Variants in USP9Y observed in about 807,000 individuals in gnomAD.
USP9Y encodes ubiquitin carboxyl-terminal hydrolase 9Y.
USP9Y carries 41 observed loss-of-function variants against 53.1 expected under a neutral mutation model. The ratio of observed to expected loss-of-function variants is 0.77; its 90% CI spans 0.60 to 1.00. The LOEUF (loss-of-function observed/expected upper bound fraction) is 1.00. USP9Y is among the 50% of genes least tolerant of loss of function. USP9Y has a pLI of 0.00. For missense variants in USP9Y, 567 were observed against 535.8 expected (o/e 1.06, Z -0.58); for synonymous variants, 220 against 173.7 (o/e 1.27, Z -2.09).
chrY:12,843,034 G>T, intron 38 of USP9Y, 30 bp from the exon 39 acceptor site: 1 of 394,417 alleles, frequency 2.5e-6, no homozygotes, highest in Non-Finnish European at 3.6e-6. Flanking sequence ...GCATCTTGAT[G>T]CTGATAAAAT....
intron 34 of USP9Y, among the ~76,000 whole-genome samples, chrY:12,836,586 A>G (rs2053555465): frequency 2.9e-5 from 1 of 33,970 alleles, no homozygotes; most frequent in Non-Finnish European, 7.3e-5. Context: ...AAAATAAGCA[A>G]CTGATAAAAG....
chrY:12,801,252 T>C (rs2053519074), intron 27 of USP9Y, among the ~76,000 whole-genome samples: 4 of 33,708 alleles, frequency 1.2e-4, no homozygotes, highest in African/African-American at 4.6e-4. Context: ...CCTAAACGAT[T>C]CCATGATTCA....
Position 12,845,288 on chromosome Y carries a change from G to A in USP9Y, c.6569-1045G>A, listed in dbSNP as rs2148292489. ...AGGGAAACTGGCAGTATGGAAGACA[G>A]GTATGAACAGATGCAGGAGCTCTTT... On this transcript the variant is annotated intron_variant, in intron 39 of 45. Transcript: ENST00000338981. Among the ~76,000 whole-genome samples the A allele has an allele frequency of 2.1e-4, 7 of 33,471 alleles. No individual in the cohort carries two copies. The East Asian group carries it at 5.5e-3, about 26-fold the overall frequency. 89.8% of individuals were successfully genotyped at this position (33,471 alleles called of 37,273 possible). A position where few individuals can be genotyped will look rare whatever the true frequency, so the allele number is the denominator to read the frequency against.
intron 12 of USP9Y, among the ~76,000 whole-genome samples, chrY:12,740,759 C>G: frequency 3.1e-5 from 1 of 32,717 alleles, no homozygotes. Context: ...CTCTTTATTT[C>G]CTATTGTTTT....
In USP9Y at chrY:12,842,231, C is replaced by T; in HGVS notation, c.6213-9C>T. 2.5e-6 allele frequency: 1 copy of T among 395,501 alleles called. No homozygotes were observed. The highest frequency in any genetic ancestry group is 3.6e-6 in the Non-Finnish European group (1 of 280,681). ...TAAAATTTGACGTTCATAGATGTTTCTGTTTTAGGTATGATGCACTGTGCG... is the reference window on the plus strand; with the variant it reads ...TAAAATTTGACGTTCATAGATGTTTTTGTTTTAGGTATGATGCACTGTGCG... On this transcript the variant is annotated splice_polypyrimidine_tract_variant and intron_variant, in intron 37 of 45. Coordinates refer to ENST00000338981, the MANE Select transcript of USP9Y (RefSeq NM_004654.4).
At chrY:12,786,842 C>T in intron 24 of USP9Y, 42 bp downstream of exon 24, 2 of 315,402 alleles carry the variant, frequency 6.3e-6, no homozygotes, top group Admixed American at 1.8e-4. Flanking sequence ...TTAGTCCTTA[C>T]TATTTAATAA....
intron 12 of USP9Y, among the ~76,000 whole-genome samples, chrY:12,753,074 C>G: frequency 3.0e-5 from 1 of 33,298 alleles, no homozygotes; most frequent in Non-Finnish European, 7.4e-5. Flanking sequence ...CTTCCCGGGC[C>G]CAAGCTATCC....
At chrY:12,761,062 A>G (rs2053475006) in intron 15 of USP9Y, among the ~76,000 whole-genome samples, 1 of 34,280 alleles carries the variant, frequency 2.9e-5, no homozygotes, top group Non-Finnish European at 7.3e-5. Context: ...CTCCGGCCCA[A>G]GTGATCCTCC....
intron 27 of USP9Y, 81 bp from the exon 28 acceptor site, chrY:12,810,098 G>T: frequency 3.4e-6 from 1 of 290,100 alleles, no homozygotes; most frequent in Admixed American, 7.8e-5. Context: ...TACTATTGAT[G>T]TATATACCTC....
At chrY:12,784,667 T>A in intron 22 of USP9Y, among the ~76,000 whole-genome samples, 1 of 33,329 alleles carries the variant, frequency 3.0e-5, no homozygotes, top group Non-Finnish European at 7.5e-5. Context: ...TTTAAAGTCA[T>A]CATGAATAAT....
At chrY:12,770,990 T>C (rs2053485240) in intron 15 of USP9Y, 78 bp from the exon 16 acceptor site, 3 of 216,677 alleles carry the variant, frequency 1.4e-5, no homozygotes, top group Non-Finnish European at 2.4e-5. Context: ...GATTATTAAC[T>C]TAATAATTTC....
chrY:12,719,814 T>C, intron 3 of USP9Y, among the ~76,000 whole-genome samples: 1 of 26,174 alleles, frequency 3.8e-5, no homozygotes, highest in East Asian at 1.0e-3. Flanking sequence ...TGAGACATAG[T>C]CTCACTCTTT....
At chrY:12,833,895 G>A (rs368683140) in intron 34 of USP9Y, 34 bp downstream of exon 34, 3 of 372,040 alleles carry the variant, frequency 8.1e-6, no homozygotes, top group Non-Finnish European at 7.6e-6. Context: ...TGTATACTTC[G>A]TGTTGTTTTT....
intron 11 of USP9Y, 96 bp downstream of exon 11, chrY:12,738,405 C>A: frequency 4.5e-6 from 1 of 223,449 alleles, no homozygotes; most frequent in Non-Finnish European, 7.2e-6. Flanking sequence ...TTTAGTATTG[C>A]CTGACTTTTA....
intron 7 of USP9Y, among the ~76,000 whole-genome samples, chrY:12,731,275 G>T (rs913835456): frequency 3.1e-5 from 1 of 32,473 alleles, no homozygotes; most frequent in Non-Finnish European, 7.5e-5. Context: ...TTTAAAAAAT[G>T]TACTCACCTT....
At chrY:12,719,327 G>T in intron 3 of USP9Y, among the ~76,000 whole-genome samples, 1 of 33,765 alleles carries the variant, frequency 3.0e-5, no homozygotes, top group East Asian at 7.5e-4. Flanking sequence ...GGAAACTGAG[G>T]AAGAAGAAGA....
chrY:12,762,218 T>C (rs2053475989), intron 15 of USP9Y, among the ~76,000 whole-genome samples: 1 of 33,332 alleles, frequency 3.0e-5, no homozygotes, highest in Non-Finnish European at 7.4e-5. Context: ...TGTACCTTCT[T>C]GAAGGTACAA....
intron 35 of USP9Y, among the ~76,000 whole-genome samples, chrY:12,838,846 G>A: frequency 3.0e-5 from 1 of 33,546 alleles, no homozygotes; most frequent in Non-Finnish European, 7.4e-5. Context: ...GAGATGGAAT[G>A]ATAACATGTC....
intron 7 of USP9Y, among the ~76,000 whole-genome samples, chrY:12,729,108 T>G: frequency 3.0e-5 from 1 of 33,636 alleles, no homozygotes; most frequent in Non-Finnish European, 7.4e-5. Context: ...ACCATGGTGG[T>G]CAGGCTGGTC....
Sources: gnomAD v4.1 joint callset for allele counts (sites outside exome capture counted in the v4.1 genomes callset) on GRCh38, gnomAD v4.1.1 for gene constraint, MANE v1.5 for transcripts, NCBI Gene and HGNC (gene_info 2026-07-23, HGNC 2026-07-21) for gene names.